Variants in NEDD9 observed in about 807,000 individuals in gnomAD.
The protein encoded by NEDD9 is enhancer of filamentation 1.
Under a neutral mutation model 76.6 loss-of-function variants are expected in NEDD9, and 26 were observed. The ratio of observed to expected loss-of-function variants is 0.34; its 90% CI spans 0.25 to 0.47. The LOEUF (loss-of-function observed/expected upper bound fraction) is 0.47. Among genes scored for constraint, NEDD9 ranks in the 20% least tolerant of loss-of-function variants. The pLI is 1.00. For synonymous variants in NEDD9, 392 were observed against 414.2 expected (o/e 0.95, Z 0.65); for missense variants, 937 against 1,058.5 (o/e 0.89, Z 1.59).
intron 3 of NEDD9, among the ~76,000 whole-genome samples, chr6:11,240,988 T>C (rs1348524893): frequency 6.6e-6 from 1 of 152,220 alleles, no homozygotes; most frequent in Non-Finnish European, 1.5e-5. Flanking sequence ...TCTCTAGCCG[T>C]GAGGTGTTCT....
At chr6:11,218,029 C>T (rs539438846) in intron 1 of NEDD9, among the ~76,000 whole-genome samples, 1 of 152,390 alleles carries the variant, frequency 6.6e-6, no homozygotes, top group Non-Finnish European at 1.5e-5. Flanking sequence ...TTGTCCTTTG[C>T]ACTTTCCTCT....
intron 3 of NEDD9, among the ~76,000 whole-genome samples, chr6:11,285,474 G>A (rs951036159): frequency 6.6e-6 from 1 of 151,836 alleles, no homozygotes; most frequent in Non-Finnish European, 1.5e-5. Flanking sequence ...GCTTTTTTTT[G>A]TAGAAATGAA....
intron 1 of NEDD9, among the ~76,000 whole-genome samples, chr6:11,337,648 G>A (rs1422917666): frequency 1.3e-5 from 2 of 152,180 alleles, no homozygotes; most frequent in Non-Finnish European, 2.9e-5. Context: ...CACCTGAAGG[G>A]CAGGAGGATG....
intron 3 of NEDD9, among the ~76,000 whole-genome samples, chr6:11,265,945 A>G (rs952348832): frequency 4.0e-5 from 6 of 151,752 alleles, no homozygotes; most frequent in Non-Finnish European, 7.4e-5. Context: ...AGAGTCAAAT[A>G]CCACATGTTC....
At chr6:11,260,745 T>C (rs963547769) in intron 3 of NEDD9, among the ~76,000 whole-genome samples, 2 of 152,186 alleles carry the variant, frequency 1.3e-5, no homozygotes, top group Admixed American at 1.3e-4. Context: ...AGGAAGATGA[T>C]ATAAAAAGTG....
intron 3 of NEDD9, among the ~76,000 whole-genome samples, chr6:11,297,893 C>T (rs964572578): frequency 9.5e-5 from 14 of 146,828 alleles, no homozygotes; most frequent in Non-Finnish European, 1.8e-4. Context: ...GCTTCTAGTC[C>T]GTATTTTTTT....
chr6:11,186,619 T>G (rs1581939559), intron 6 of NEDD9, among the ~76,000 whole-genome samples: 1 of 151,934 alleles, frequency 6.6e-6, no homozygotes, highest in Admixed American at 6.5e-5. Flanking sequence ...AGCTTTACTT[T>G]ACTTTTCTTT....
At chr6:11,303,537 A>C (rs1235824080) in intron 3 of NEDD9, among the ~76,000 whole-genome samples, 1 of 152,242 alleles carries the variant, frequency 6.6e-6, no homozygotes, top group Non-Finnish European at 1.5e-5. Flanking sequence ...AGCTGGAGGC[A>C]TCCCGCTACC....
intron 2 of NEDD9, among the ~76,000 whole-genome samples, chr6:11,204,025 G>A (rs1378502172): frequency 6.6e-6 from 1 of 150,882 alleles, no homozygotes. Context: ...AACTGTTAAA[G>A]TGATTCTGAG....
At chr6:11,192,991 C>T (rs1192870467) in intron 3 of NEDD9, among the ~76,000 whole-genome samples, 1 of 128,774 alleles carries the variant, frequency 7.8e-6, no homozygotes, top group African/African-American at 2.8e-5. Flanking sequence ...GCTGTCTGTA[C>T]TTTAAAGTGT....
At chr6:11,312,102 G>C (rs1761389293) in intron 2 of NEDD9, among the ~76,000 whole-genome samples, 1 of 151,878 alleles carries the variant, frequency 6.6e-6, no homozygotes. Context: ...TCCACCTACA[G>C]CTTCAGGACT....
rs200762899 is a variant in NEDD9, at chr6:11,185,315, G to A, written c.2352C>T (p.Cys784=). The A allele has an allele frequency of 2.8e-5, 46 of 1,614,172 alleles. No individual in the cohort carries two copies. In the East Asian group the frequency reaches 9.8e-4, roughly 34 times the overall value. Residue 784 remains cysteine, a synonymous_variant, in exon 7 of 7, where the codon TGC becomes TGT. Coordinates refer to ENST00000379446, the MANE Select transcript of NEDD9 (RefSeq NM_006403.4). ...CCATGACTATGGTCTTGAGCTGCTC[G>A]CAGAGCTGGTTGCTGGAGTTCATGA... ...NKVMNSSNQL[C]EQLKTIVMAT...
At chr6:11,334,592 T>C (rs1762112597) in intron 1 of NEDD9, 2 of 152,270 alleles carry the variant, frequency 1.3e-5, no homozygotes, top group Admixed American at 1.3e-4. Flanking sequence ...CAAACGTTAA[T>C]TGCATTTTTG....
In NEDD9 at chr6:11,232,503, C is replaced by A. The variant is rs931491449; in HGVS notation, c.12+1G>T. The A allele has an allele frequency of 6.2e-7, 1 of 1,614,130 alleles. No individual in the cohort carries two copies. Among genetic ancestry groups the A allele is most frequent in the African/African-American group, 1.3e-5 (1 of 74,946 alleles). On this transcript the variant is annotated splice_donor_variant, in intron 1 of 6. Coordinates refer to ENST00000379446, the MANE Select transcript of NEDD9 (RefSeq NM_006403.4). LOFTEE classifies it high-confidence loss of function. The stretch of plus-strand genomic sequence containing the variant: ...GTAACCTGTAAAAGGCACTCTCTTA[C>A]CTTATACTTCATTTCGGCAGCGGTG...
chr6:11,250,089 A>AAAGACAC (rs1481463187), intron 3 of NEDD9, among the ~76,000 whole-genome samples: 1 of 152,232 alleles, frequency 6.6e-6, no homozygotes, highest in East Asian at 1.9e-4. Context: ...GGCTGTGGCC[A>AAAGACAC]AAGACACAGT....
At chr6:11,374,084 A>G (rs1471977526) in intron 1 of NEDD9, among the ~76,000 whole-genome samples, 1 of 152,050 alleles carries the variant, frequency 6.6e-6, no homozygotes, top group African/African-American at 2.4e-5. Context: ...ATATGTATAT[A>G]TATACACACA....
At chr6:11,277,515 C>A (rs747135311) in intron 3 of NEDD9, among the ~76,000 whole-genome samples, 5 of 152,084 alleles carry the variant, frequency 3.3e-5, no homozygotes, top group Non-Finnish European at 7.4e-5. Context: ...TTCTGACAGG[C>A]ATGGGCAGGG....
upstream of NEDD9, among the ~76,000 whole-genome samples, chr6:11,235,363 C>T (rs1759577344): frequency 6.6e-6 from 1 of 152,110 alleles, no homozygotes; most frequent in South Asian, 2.1e-4. The surrounding 1 kb of genome is among the most constrained non-coding windows in gnomAD (Gnocchi z 4.1). Flanking sequence ...GTGTGCCATT[C>T]TTTCATAAGG....
Position 11,232,559 on chromosome 6 carries a change from C to G in NEDD9, c.-44G>C, listed in dbSNP as rs560134723. The G allele has an allele frequency of 1.9e-5, 30 of 1,614,014 alleles. No homozygotes were observed. The highest frequency in any genetic ancestry group is 2.5e-5 in the Non-Finnish European group (30 of 1,179,984). On this transcript the variant is annotated 5_prime_UTR_variant, in exon 1 of 7. Transcript: ENST00000379446. ...AGCCGTTTTCCTACACTAGTTAAGACAGCATTAAGCACTGCGGTGCCCGCC... is the reference window on the plus strand; with the variant it reads ...AGCCGTTTTCCTACACTAGTTAAGAGAGCATTAAGCACTGCGGTGCCCGCC...
Sources: allele counts gnomAD v4.1 joint callset (sites outside exome capture counted in the v4.1 genomes callset), GRCh38; gene constraint gnomAD v4.1.1; non-coding constraint Gnocchi (gnomAD v3.1); transcripts MANE v1.5; gene names NCBI Gene and HGNC (gene_info 2026-07-23, HGNC 2026-07-21).